Variants in PHF20 observed in about 807,000 individuals in gnomAD.
The protein encoded by PHF20 is glioma-expressed antigen 2.
PHF20 carries 23 observed loss-of-function variants against 113.5 expected under a neutral mutation model. That is an observed-to-expected ratio of 0.20 (90% CI 0.15 to 0.29). PHF20 has a LOEUF of 0.29. Ranked by LOEUF, PHF20 falls within the 10% of genes least tolerant of loss-of-function variation. The pLI, the probability that PHF20 is intolerant of heterozygous loss-of-function variation, is 1.00. For synonymous variants in PHF20, 434 were observed against 457.3 expected (o/e 0.95, Z 0.65); for missense variants, 943 against 1,219.6 (o/e 0.77, Z 3.38).
intron 2 of PHF20, among the ~76,000 whole-genome samples, chr20:35,805,067 AT>A (rs113068770): frequency 7.6e-5 from 11 of 145,000 alleles, no homozygotes; most frequent in African/African-American, 7.6e-5. Flanking sequence ...ATGCCTGGCT[AT>A]TTTTTTTTTA....
chr20:35,868,406 C>T (rs951065890), intron 6 of PHF20, among the ~76,000 whole-genome samples: 41 of 151,798 alleles, frequency 2.7e-4, no homozygotes, highest in African/African-American at 9.7e-4. Context: ...TCAAGACCAG[C>T]CTGGCCAACA....
chr20:35,940,739 G>A, intron 16 of PHF20, 125 bp from the exon 17 acceptor site: 1 of 806,278 alleles, frequency 1.2e-6, no homozygotes, highest in Admixed American at 2.3e-5. Context: ...AAATAGGAAA[G>A]GGAGGTAGGG....
chr20:35,906,876 G>A (rs1419738540), intron 10 of PHF20, among the ~76,000 whole-genome samples: 1 of 152,148 alleles, frequency 6.6e-6, no homozygotes, highest in Admixed American at 6.5e-5. Flanking sequence ...AGGAGGGAGG[G>A]GTTATTGGAG....
chr20:35,786,340 G>A (rs113181681), intron 1 of PHF20, among the ~76,000 whole-genome samples: 7,266 of 152,132 alleles, frequency 0.048, 209 homozygotes, highest in African/African-American at 0.089. Flanking sequence ...CCAGTGAGCC[G>A]AGATCGCGCC....
chr20:35,948,223 G>A lies in PHF20; in HGVS notation c.*596G>A, dbSNP rs2056120959. On this transcript the variant is annotated 3_prime_UTR_variant, in exon 18 of 18. Coordinates refer to ENST00000374012, the MANE Select transcript of PHF20 (RefSeq NM_016436.5). ...CATGACTTCATGGTACTGGGGACAA[G>A]TTTGTATGCCTTCACCCCAGAGCTG... The A allele has an allele frequency of 6.5e-6, 1 of 152,818 alleles. No individual in the cohort carries two copies. Among genetic ancestry groups the A allele is most frequent in the Non-Finnish European group, 1.5e-5 (1 of 68,204 alleles). 9.5% of individuals were successfully genotyped at this position (152,818 alleles called of 1,614,324 possible).
chr20:35,898,994 C>T (rs1426102189), intron 9 of PHF20, among the ~76,000 whole-genome samples: 8 of 152,158 alleles, frequency 5.3e-5, no homozygotes. Context: ...AGTGATCCAC[C>T]TGCCTTGGCC....
At chr20:35,869,590 CGTT>C in intron 7 of PHF20, 39 bp downstream of exon 7, 1 of 1,121,274 alleles carries the variant, frequency 8.9e-7, no homozygotes, top group South Asian at 1.3e-5. Flanking sequence ...TAGAATTTGA[CGTT>C]GTTTGGGTCA....
chr20:35,793,995 C>CAAAACAAAAAAAAAAAAA (rs1385077985), intron 1 of PHF20, among the ~76,000 whole-genome samples: 5 of 33,836 alleles, frequency 1.5e-4, no homozygotes, highest in Admixed American at 3.4e-4. Flanking sequence ...GACTCTGTCT[C>CAAAACAAAAAAAAAAAAA]AAAAAAAAAA....
intron 15 of PHF20, among the ~76,000 whole-genome samples, chr20:35,937,884 TG>T (rs1429062429): frequency 5.3e-4 from 81 of 152,072 alleles, no homozygotes; most frequent in African/African-American, 1.8e-3. Context: ...TGTTTTGTTT[TG>T]TTTTTTGAGA....
intron 10 of PHF20, among the ~76,000 whole-genome samples, chr20:35,903,791 A>G (rs1423249724): frequency 6.6e-6 from 1 of 152,182 alleles, no homozygotes; most frequent in East Asian, 1.9e-4. Flanking sequence ...AGACATGTTC[A>G]GTGTTTATCA....
At chr20:35,850,777 T>G in intron 4 of PHF20, 1 of 683,524 alleles carries the variant, frequency 1.5e-6, no homozygotes, top group Non-Finnish European at 2.6e-6. Context: ...ATACAGAAAG[T>G]GGGTCCACTA....
intron 2 of PHF20, among the ~76,000 whole-genome samples, chr20:35,838,818 C>T (rs1165675884): frequency 7.6e-6 from 1 of 132,392 alleles, no homozygotes; most frequent in South Asian, 2.4e-4. Flanking sequence ...TGAGACTCCA[C>T]CTCTACAAAA....
intron 13 of PHF20, among the ~76,000 whole-genome samples, chr20:35,918,854 G>A (rs1600934698): frequency 6.6e-6 from 1 of 152,224 alleles, no homozygotes; most frequent in South Asian, 2.1e-4. Flanking sequence ...GGGGGTTCAG[G>A]GATTGTTCCC....
chr20:35,804,298 A>T (rs1467576937), intron 2 of PHF20, among the ~76,000 whole-genome samples: 1 of 140,274 alleles, frequency 7.1e-6, no homozygotes, highest in Non-Finnish European at 1.5e-5. Flanking sequence ...CAGTGGCTCG[A>T]TCTCTCCTCA....
chr20:35,917,255 T>G (rs2055420846), intron 12 of PHF20: 1 of 625,362 alleles, frequency 1.6e-6, no homozygotes, highest in Non-Finnish European at 3.0e-6. Context: ...GGCTTCATTC[T>G]CTCAGTGAAA....
chr20:35,799,662 G>A (rs1279729757), intron 1 of PHF20, among the ~76,000 whole-genome samples: 2 of 151,458 alleles, frequency 1.3e-5, no homozygotes, highest in Admixed American at 1.3e-4. Context: ...ATCACAAGAA[G>A]TGTTCTTTTT....
At chr20:35,820,967 G>A (rs2042158108) in intron 2 of PHF20, among the ~76,000 whole-genome samples, 1 of 152,026 alleles carries the variant, frequency 6.6e-6, no homozygotes, top group African/African-American at 2.4e-5. Flanking sequence ...GGGCATTCAA[G>A]CAATAATAGG....
At position 35,928,879 on chromosome 20, in the gene PHF20, A is replaced by G. The variant is rs573009085; in HGVS notation, c.2104+1000A>G. 3.3e-5 allele frequency among the ~76,000 whole-genome samples: 5 copies of G among 152,328 alleles called. No homozygotes were observed. The East Asian group carries it at 7.7e-4, about 23-fold the overall frequency. On this transcript the variant is annotated intron_variant, in intron 14 of 17. Transcript: ENST00000374012. ...GGTAGAGCCTGTTGCCACCCTGAGC[A>G]GTGACTTAATTCCTTAGCAGGATCA...
intron 9 of PHF20, among the ~76,000 whole-genome samples, chr20:35,893,725 C>G (rs754494526): frequency 2.0e-5 from 3 of 152,170 alleles, no homozygotes; most frequent in African/African-American, 4.8e-5. Context: ...AGTGATTCTC[C>G]TGCCTCAGCC....
Sources: allele counts gnomAD v4.1 joint callset (sites outside exome capture counted in the v4.1 genomes callset), GRCh38; gene constraint gnomAD v4.1.1; transcripts MANE v1.5; gene names NCBI Gene and HGNC (gene_info 2026-07-23, HGNC 2026-07-21).